Variants in IDUA observed in about 807,000 individuals in gnomAD.
The protein encoded by IDUA is iduronidase alpha-L-.
IDUA carries 65 observed loss-of-function variants against 68.9 expected under a neutral mutation model. That is an observed-to-expected ratio of 0.94 (90% CI 0.77 to 1.16). The LOEUF is 1.16. Ranked by LOEUF, IDUA falls within the 50% of genes most tolerant of loss-of-function variation. IDUA has a pLI of 0.00. For synonymous variants in IDUA, 529 were observed against 433.6 expected, an observed-to-expected ratio of 1.22 and a Z score of -2.73; for missense variants, 1,046 against 938.0, an observed-to-expected ratio of 1.12 and a Z score of -1.50.
rs753784242 is a variant in IDUA at position 1,000,615 on chromosome 4, G to A, written c.303G>A (p.Gly101=). The part of the protein sequence containing the change: ...HWLLELVTTR[G]STGRGLSYNF... ...GACGCTGACCGTCCTTCTGCAGGGG[G>A]TCCACTGGACGGGGCCTGAGCTACA... The change falls in exon 3 of 14, where the codon GGG becomes GGA. Residue 101 remains glycine, a synonymous_variant. Coordinates refer to ENST00000514224, the MANE Select transcript of IDUA (RefSeq NM_000203.5). 1 of 1,611,892 alleles carries A rather than the reference G, an allele frequency of 6.2e-7. No homozygotes were observed. Among genetic ancestry groups the A allele is most frequent in the Non-Finnish European group, 8.5e-7 (1 of 1,179,096 alleles).
intron 10 of IDUA, 48 bp from the exon 11 acceptor site, chr4:1,003,297 C>A (rs1350422502): frequency 1.0e-5 from 14 of 1,389,180 alleles, no homozygotes; most frequent in Admixed American, 3.6e-5. Context: ...TCGGGCCGAG[C>A]GTCCCCAGCT....
Position 1,001,572 on chromosome 4 carries a change from C to T in IDUA, c.589+9C>T, listed in dbSNP as rs769683019. ...CTCCATGACCATGCAAGGTGTGCACCGCTTCCTGGGGTCCTGCCCGGCTGA... is the reference window on the plus strand; with the variant it reads ...CTCCATGACCATGCAAGGTGTGCACTGCTTCCTGGGGTCCTGCCCGGCTGA... On this transcript the variant is annotated intron_variant, in intron 5 of 13. Coordinates refer to ENST00000514224, the MANE Select transcript of IDUA (RefSeq NM_000203.5). The T allele has an allele frequency of 4.3e-6, 7 of 1,612,632 alleles. No homozygotes were observed. Among genetic ancestry groups the T allele is most frequent in the African/African-American group, 2.7e-5 (2 of 74,916 alleles).
chr4:1,003,661 C>G, intron 12 of IDUA, 36 bp downstream of exon 12: 2 of 1,604,160 alleles, frequency 1.2e-6, no homozygotes, highest in Non-Finnish European at 1.7e-6. Context: ...TCTGCCTGGT[C>G]CTAGGCAGGT....
rs367813829 is a variant in IDUA at position 1,001,759 on chromosome 4, T to G, written c.670T>G (p.Ser224Ala). The change falls in exon 6 of 14, where the codon TCC becomes GCC. Residue 224 changes from serine to alanine, a missense_variant. Ser to Ala is a moderately conservative substitution (Grantham distance 99). Coordinates refer to ENST00000514224, the MANE Select transcript of IDUA (RefSeq NM_000203.5). ...CCTGCGGCTGGGAGGCCCCGGCGAC[T>G]CCTTCCACACCCCACCGCGATCCCC... is the stretch of plus-strand genomic sequence containing the variant. The part of the protein sequence containing the change: ...PALRLGGPGD[S>A]FHTPPRSPLS... The G allele has an allele frequency of 3.1e-6, 5 of 1,599,140 alleles. No homozygotes were observed. Among genetic ancestry groups the G allele is most frequent in the Non-Finnish European group, 4.2e-6 (5 of 1,177,410 alleles).
chr4:987,266 A>G, intron 1 of IDUA, 24 bp downstream of exon 1: 1 of 1,511,260 alleles, frequency 6.6e-7, no homozygotes, highest in Non-Finnish European at 8.8e-7. Flanking sequence ...GGCCTCCGGG[A>G]CCCCCTGGCC....
In IDUA at chr4:1,003,452, C is replaced by G. The variant is rs760288223; in HGVS notation, c.1632C>G (p.Pro544=). The G allele has an allele frequency of 8.4e-6, 13 of 1,552,366 alleles. No homozygotes were observed. In the African/African-American group the frequency reaches 1.4e-4, roughly 16 times the overall value. ...TGCTGGTGCACGTGTGTGCGCGCCCCGAGAAGCCGCCCGGGCAGGCAAGTG... is the reference window on the plus strand; with the variant it reads ...TGCTGGTGCACGTGTGTGCGCGCCCGGAGAAGCCGCCCGGGCAGGCAAGTG... The part of the protein sequence containing the change: ...SLLLVHVCAR[P]EKPPGQVTRL... The change falls in exon 11 of 14, where the codon CCC becomes CCG. Residue 544 remains proline (P), a synonymous_variant. Coordinates refer to ENST00000514224, the MANE Select transcript of IDUA (RefSeq NM_000203.5).
Position 991,310 on chromosome 4 carries a change from T to C in IDUA, c.299+3361T>C, listed in dbSNP as rs371768347. 3.1e-6 allele frequency: 5 copies of C among 1,612,610 alleles called. No homozygotes were observed. The African/African-American group carries it at 6.7e-5, about 22-fold the overall frequency. On this transcript the variant is annotated intron_variant, in intron 2 of 13. Coordinates refer to ENST00000514224, the MANE Select transcript of IDUA (RefSeq NM_000203.5). ...TCCCGGTCCACCACCTGCCCCACCA[T>C]GAGGCAAAGCAGGCTGAAGATGCCC...
Position 1,004,088 on chromosome 4 carries a change from T to G in IDUA, c.1804T>G (p.Phe602Val). The change falls in exon 13 of 14, where the codon TTC becomes GTC. Residue 602 changes from phenylalanine (F) to valine (V), a missense_variant. Transcript: ENST00000514224. The surrounding 1 kb of genome is among the most constrained non-coding windows in gnomAD (Gnocchi z 5.0). ...CCCGGTCAGCAGGAAGCCATCGACC[T>G]TCAACCTCTTTGTGTTCAGCCCAGG... Reference protein sequence around the residue: ...YTPVSRKPSTFNLFVFSPDTG... With the variant: ...YTPVSRKPSTVNLFVFSPDTG... 6.2e-7 allele frequency: 1 copy of G among 1,612,744 alleles called. No individual in the cohort carries two copies. Among genetic ancestry groups the G allele is most frequent in the Non-Finnish European group, 8.5e-7 (1 of 1,179,836 alleles).
At chr4:991,836 A>T in intron 2 of IDUA, 1 of 1,530,538 alleles carries the variant, frequency 6.5e-7, no homozygotes. Flanking sequence ...TCGCCCACCC[A>T]GGGCCGGGGA....
intron 2 of IDUA, chr4:988,776 G>A: frequency 6.8e-7 from 1 of 1,466,306 alleles, no homozygotes; most frequent in Non-Finnish European, 9.0e-7. Flanking sequence ...GTGGCTTGCA[G>A]ACGTCTGCTG....
rs905781111 is a variant in IDUA, at chr4:1,002,677, C to T, written c.1190-55C>T. The T allele has an allele frequency of 2.5e-5, 32 of 1,300,026 alleles. No individual in the cohort carries two copies. In the African/African-American group the frequency reaches 3.7e-4, roughly 15 times the overall value. 80.5% of individuals were successfully genotyped at this position (1,300,026 alleles called of 1,614,324 possible). A position where few individuals can be genotyped will look rare whatever the true frequency, so the allele number is the denominator to read the frequency against. On this transcript the variant is annotated intron_variant, in intron 8 of 13. Coordinates refer to ENST00000514224, the MANE Select transcript of IDUA (RefSeq NM_000203.5). ...AGTGGTGGGAGGCCCGGCCCTGGGT[C>T]GGGGGGCGGCTGGGCAACGACCCCA...
intron 2 of IDUA, among the ~76,000 whole-genome samples, chr4:997,541 T>A (rs2153020600): frequency 6.7e-6 from 1 of 149,188 alleles, no homozygotes; most frequent in Non-Finnish European, 1.5e-5. Context: ...GGCCGCGCGG[T>A]GAATGAGCCC....
Position 1,001,581 on chromosome 4 carries a change from G to A in IDUA, c.589+18G>A, listed in dbSNP as rs1257868848. On this transcript the variant is annotated intron_variant, in intron 5 of 13. Coordinates refer to ENST00000514224, the MANE Select transcript of IDUA (RefSeq NM_000203.5). ...CATGCAAGGTGTGCACCGCTTCCTG[G>A]GGTCCTGCCCGGCTGAAAGGGGGCA... 1.9e-6 allele frequency: 3 copies of A among 1,612,444 alleles called. No individual in the cohort carries two copies. The highest frequency in any genetic ancestry group is 2.5e-6 in the Non-Finnish European group (3 of 1,179,446).
chr4:993,710 C>T (rs1714547177), intron 2 of IDUA, among the ~76,000 whole-genome samples: 1 of 152,100 alleles, frequency 6.6e-6, no homozygotes, highest in Non-Finnish European at 1.5e-5. Flanking sequence ...GGTCTGGGGT[C>T]GAGTGCAGCA....
At chr4:994,822 C>T (rs1027578627) in intron 2 of IDUA, among the ~76,000 whole-genome samples, 2 of 151,966 alleles carry the variant, frequency 1.3e-5, no homozygotes, top group Non-Finnish European at 1.5e-5. Flanking sequence ...GCTACTCAAG[C>T]GGCTCAGGTG....
In IDUA at chr4:1,004,471, C is replaced by G; in HGVS notation, c.*78C>G. 1 of 1,342,892 alleles carries G rather than the reference C, an allele frequency of 7.4e-7. No homozygotes were observed. Among genetic ancestry groups the G allele is most frequent in the East Asian group, 2.3e-5 (1 of 42,594 alleles). 83.2% of individuals were successfully genotyped at this position (1,342,892 alleles called of 1,614,324 possible). A position where few individuals can be genotyped will look rare whatever the true frequency, so the allele number is the denominator to read the frequency against. On this transcript the variant is annotated 3_prime_UTR_variant, in exon 14 of 14. Transcript: ENST00000514224. This position sits in a 1 kb window ranked among gnomAD's most constrained non-coding sequence, Gnocchi z 5.0. Reference sequence around the variant, plus strand: ...GGCTGCACTGTGCCCATGCTGCCCTCCCATCACCCCCTTTGCAATATATTT... The same window carrying G: ...GGCTGCACTGTGCCCATGCTGCCCTGCCATCACCCCCTTTGCAATATATTT...
chr4:991,360 A>T, intron 2 of IDUA: 1 of 1,612,836 alleles, frequency 6.2e-7, no homozygotes, highest in Non-Finnish European at 8.5e-7. Flanking sequence ...TGAGGTGCCC[A>T]TGAGGAAGTA....
chr4:989,373 G>A (rs752562626), intron 2 of IDUA: 16 of 1,581,540 alleles, frequency 1.0e-5, no homozygotes, highest in Middle Eastern at 1.7e-4. Flanking sequence ...TGGCATCCTC[G>A]TAGAAGGCCG....
At chr4:991,581 G>A (rs143974931) in intron 2 of IDUA, 12 of 1,599,696 alleles carry the variant, frequency 7.5e-6, no homozygotes, top group South Asian at 2.2e-5. Context: ...ACAGCACACT[G>A]CACGAGCAGC....
Sources: allele counts gnomAD v4.1 joint callset (sites outside exome capture counted in the v4.1 genomes callset), GRCh38; gene constraint gnomAD v4.1.1; non-coding constraint Gnocchi (gnomAD v3.1); transcripts MANE v1.5; gene names NCBI Gene and HGNC (gene_info 2026-07-23, HGNC 2026-07-21).